CEP63: variants seen among roughly 807,000 people sequenced by gnomAD.
CEP63 encodes centrosomal protein of 63 kDa.
In CEP63, 84 loss-of-function variants were observed where a neutral mutation model predicts 89.1. The ratio of observed to expected loss-of-function variants is 0.94; its 90% confidence interval spans 0.79 to 1.13. The LOEUF (loss-of-function observed/expected upper bound fraction) is 1.13, where lower values mean the gene tolerates loss of function less well. CEP63 is among the 50% of genes most tolerant of loss of function. The pLI, the probability that CEP63 is intolerant of heterozygous loss-of-function variation, is 0.00. For synonymous variants in CEP63, 267 were observed against 272.5 expected, an observed-to-expected ratio of 0.98 and a Z score of 0.20; for missense variants, 838 against 813.3, an observed-to-expected ratio of 1.03 and a Z score of -0.37.
the CEP63 span, among the ~76,000 whole-genome samples, chr3:134,698,682 C>T: frequency 6.6e-6 from 1 of 152,206 alleles, no homozygotes; most frequent in East Asian, 1.9e-4. Flanking sequence ...AGGTACATGA[C>T]CTCAGGCTGC....
chr3:134,729,678 T>C, the CEP63 span, among the ~76,000 whole-genome samples: 5 of 152,256 alleles, frequency 3.3e-5, no homozygotes, highest in Non-Finnish European at 5.9e-5. Flanking sequence ...AGTCCCATTT[T>C]ATAAATGAGG....
chr3:134,670,434 G>C, the CEP63 span, among the ~76,000 whole-genome samples: 1 of 152,348 alleles, frequency 6.6e-6, no homozygotes, highest in Admixed American at 6.5e-5. Flanking sequence ...CCAGTGTGAA[G>C]AGAACAGAGT....
chr3:134,588,415 C>A (rs13090969), downstream of CEP63, among the ~76,000 whole-genome samples: 48,266 of 151,896 alleles, frequency 0.32, 7,937 homozygotes, highest in African/African-American at 0.36. Context: ...ACTAGAAATA[C>A]ATTTTAGATG....
chr3:134,595,608 A>G, the CEP63 span, among the ~76,000 whole-genome samples: 4 of 151,920 alleles, frequency 2.6e-5, no homozygotes, highest in African/African-American at 9.7e-5. Context: ...ATCTGTCTAA[A>G]CCCAGTACCC....
chr3:134,723,188 A>G, the CEP63 span, among the ~76,000 whole-genome samples: 1 of 152,108 alleles, frequency 6.6e-6, no homozygotes, highest in Non-Finnish European at 1.5e-5. Context: ...CCCTGTGTCC[A>G]CACCCTTGGC....
chr3:134,604,142 T>C, the CEP63 span: 1 of 1,608,156 alleles, frequency 6.2e-7, no homozygotes, highest in South Asian at 1.1e-5. Context: ...CCGTCGCTGG[T>C]GTGGATGATA....
chr3:134,569,671 A>G (rs1957936936), downstream of CEP63, among the ~76,000 whole-genome samples: 2 of 152,092 alleles, frequency 1.3e-5, no homozygotes, highest in Admixed American at 1.3e-4. Flanking sequence ...GCACGGTGCA[A>G]GCTGTCGGTG....
chr3:134,506,528 T>G (rs1943490523), intron 2 of CEP63, among the ~76,000 whole-genome samples: 1 of 152,136 alleles, frequency 6.6e-6, no homozygotes, highest in African/African-American at 2.4e-5. Context: ...AAAACATCAA[T>G]CTTGTGCTTA....
At chr3:134,685,410 T>G in the CEP63 span, among the ~76,000 whole-genome samples, 2 of 152,142 alleles carry the variant, frequency 1.3e-5, no homozygotes, top group African/African-American at 2.4e-5. Flanking sequence ...TCTCACCCCT[T>G]GTATGGGATT....
At chr3:134,681,983 C>T in the CEP63 span, among the ~76,000 whole-genome samples, 2 of 152,204 alleles carry the variant, frequency 1.3e-5, no homozygotes, top group South Asian at 4.1e-4. Context: ...ACTCTGCAAG[C>T]CATCTGAAGA....
chr3:134,666,868 C>G, the CEP63 span, among the ~76,000 whole-genome samples: 1 of 152,168 alleles, frequency 6.6e-6, no homozygotes, highest in Non-Finnish European at 1.5e-5. Flanking sequence ...TGAGGTCTAG[C>G]GATGGCAAGT....
the CEP63 span, among the ~76,000 whole-genome samples, chr3:134,768,325 A>T: frequency 2.0e-5 from 3 of 152,340 alleles, no homozygotes; most frequent in Admixed American, 2.0e-4. Context: ...TTAGCCAGCC[A>T]GCCCCGAATT....
chr3:134,598,834 C>A, the CEP63 span, among the ~76,000 whole-genome samples: 3 of 152,206 alleles, frequency 2.0e-5, no homozygotes, highest in Admixed American at 6.5e-5. Context: ...CTCGGAGATG[C>A]CTGTGGGACA....
chr3:134,486,753 T>G (rs1935589804), intron 1 of CEP63: 2 of 160,002 alleles, frequency 1.2e-5, no homozygotes, highest in Non-Finnish European at 2.7e-5. Context: ...AATAGTGAGT[T>G]GGTTTAAACG....
At chr3:134,681,895 C>G in the CEP63 span, among the ~76,000 whole-genome samples, 10 of 152,178 alleles carry the variant, frequency 6.6e-5, no homozygotes, top group Non-Finnish European at 1.2e-4. Flanking sequence ...AAAATGTGCC[C>G]AAAGTCAACC....
At chr3:134,537,404 CCT>C in intron 6 of CEP63, 136 bp downstream of exon 6, 1 of 676,920 alleles carries the variant, frequency 1.5e-6, no homozygotes, top group South Asian at 1.5e-5. Context: ...GTTTAGGAAG[CCT>C]CTCCTCAGCA....
chr3:134,767,937 G>A, the CEP63 span, among the ~76,000 whole-genome samples: 2 of 152,280 alleles, frequency 1.3e-5, no homozygotes, highest in South Asian at 2.1e-4. Context: ...AGTGATGGAT[G>A]ATTATTGATC....
At chr3:134,574,671 A>C (rs1958150594) in intron 11 of CEP63, 1 of 424,504 alleles carries the variant, frequency 2.4e-6, no homozygotes. Flanking sequence ...TCAGTGGTGC[A>C]GTCACGGCTT....
the CEP63 span, among the ~76,000 whole-genome samples, chr3:134,764,020 T>C: frequency 2.0e-5 from 3 of 152,316 alleles, no homozygotes; most frequent in African/African-American, 7.2e-5. Flanking sequence ...TAGAATATAT[T>C]CTGTTGGCAT....
Sources: gnomAD v4.1 joint callset for allele counts (sites outside exome capture counted in the v4.1 genomes callset) on GRCh38, gnomAD v4.1.1 for gene constraint, MANE v1.5 for transcripts, NCBI Gene and HGNC (gene_info 2026-07-23, HGNC 2026-07-21) for gene names.